EVI5: variants seen among roughly 807,000 people sequenced by gnomAD.
The protein encoded by EVI5 is ecotropic viral integration site 5 protein homolog.
Under a neutral mutation model 112.0 loss-of-function variants are expected in EVI5, and 73 were observed. That is an observed-to-expected ratio of 0.65 (90% confidence interval 0.54 to 0.79). The LOEUF (loss-of-function observed/expected upper bound fraction) is 0.79. Ranked by LOEUF, EVI5 falls within the 30% of genes least tolerant of loss-of-function variation. The pLI, the probability that EVI5 is intolerant of heterozygous loss-of-function variation, is 0.00. For synonymous variants in EVI5, 305 were observed against 319.9 expected (o/e 0.95, Z 0.50); for missense variants, 900 against 968.8 (o/e 0.93, Z 0.94).
At chr1:92,615,257 C>T (rs1188622240) in intron 16 of EVI5, among the ~76,000 whole-genome samples, 5 of 152,050 alleles carry the variant, frequency 3.3e-5, no homozygotes, top group Admixed American at 2.0e-4. Context: ...GTTGGTTGCT[C>T]CTAAGTTCAC....
intron 18 of EVI5, among the ~76,000 whole-genome samples, chr1:92,582,863 C>T (rs1338879985): frequency 6.6e-6 from 1 of 152,108 alleles, no homozygotes; most frequent in Non-Finnish European, 1.5e-5. Flanking sequence ...GAACTCATAT[C>T]CTCTACTCTT....
At chr1:92,710,110 AG>A in intron 2 of EVI5, among the ~76,000 whole-genome samples, 1 of 150,412 alleles carries the variant, frequency 6.6e-6, no homozygotes, top group Non-Finnish European at 1.5e-5. Context: ...AGGGAGGCCG[AG>A]GCAGGTGGAT....
At chr1:92,789,004 A>G (rs1427417161), upstream of EVI5, among the ~76,000 whole-genome samples, 1 of 152,126 alleles carries the variant, frequency 6.6e-6, no homozygotes, top group East Asian at 1.9e-4. Flanking sequence ...TTTAATAAAT[A>G]CCAAATAACT....
intron 18 of EVI5, among the ~76,000 whole-genome samples, chr1:92,596,236 C>T (rs1647826191): frequency 6.6e-6 from 1 of 152,114 alleles, no homozygotes; most frequent in Admixed American, 6.5e-5. Flanking sequence ...TGGCATGTGC[C>T]TGTAGTCCCA....
intron 10 of EVI5, among the ~76,000 whole-genome samples, chr1:92,673,276 C>T (rs1444044373): frequency 6.9e-6 from 1 of 143,938 alleles, no homozygotes; most frequent in Non-Finnish European, 1.5e-5. Context: ...CTGAAATGTA[C>T]CATAGTTTTT....
intron 2 of EVI5, among the ~76,000 whole-genome samples, chr1:92,727,310 T>C (rs1675727037): frequency 6.6e-6 from 1 of 152,178 alleles, no homozygotes; most frequent in Non-Finnish European, 1.5e-5. Context: ...TTTGTGAACA[T>C]ATTAAAAACC....
rs180859725 is a variant in EVI5, at chr1:92,765,764, A to G, written c.-82+19072T>C. ...TTACCAAATTACTGACTTCCCCACA[A>G]ATTCTTTTGTATTAAAACTGGGGGG... On this transcript the variant is annotated intron_variant, in intron 1 of 19. Transcript: ENST00000684568. Among the ~76,000 whole-genome samples the G allele has an allele frequency of 2.1e-3, 324 of 152,076 alleles. 5 individuals carry two copies. The highest frequency in any genetic ancestry group is 7.5e-3 in the African/African-American group (311 of 41,460).
intron 1 of EVI5, among the ~76,000 whole-genome samples, chr1:92,739,349 C>T (rs1558180020): frequency 1.4e-5 from 2 of 146,950 alleles, no homozygotes; most frequent in Non-Finnish European, 3.0e-5. Context: ...TAATCACACA[C>T]AAAAAAGGCC....
At chr1:92,731,354 T>G (rs1266348430) in intron 2 of EVI5, among the ~76,000 whole-genome samples, 20 of 152,182 alleles carry the variant, frequency 1.3e-4, no homozygotes, top group Admixed American at 1.2e-3. Context: ...TGTATTTTCT[T>G]TTTAACACAG....
At chr1:92,619,956 G>A (rs528162282) in intron 16 of EVI5, among the ~76,000 whole-genome samples, 7 of 152,186 alleles carry the variant, frequency 4.6e-5, no homozygotes, top group African/African-American at 1.7e-4. Flanking sequence ...AAAACGAACA[G>A]AGCAACCAAG....
At chr1:92,751,852 A>C (rs1387357042) in intron 1 of EVI5, among the ~76,000 whole-genome samples, 1 of 151,908 alleles carries the variant, frequency 6.6e-6, no homozygotes, top group Non-Finnish European at 1.5e-5. Context: ...TCTCTACTAA[A>C]AACACAAAAA....
chr1:92,653,453 G>T (rs1357335278), intron 13 of EVI5, among the ~76,000 whole-genome samples: 1 of 152,218 alleles, frequency 6.6e-6, no homozygotes, highest in East Asian at 1.9e-4. Flanking sequence ...CACTGTGCTT[G>T]GCTCTACAAG....
In EVI5 at chr1:92,630,375, T is replaced by C. The variant is rs374024844; in HGVS notation, c.1528-4441A>G. The stretch of plus-strand genomic sequence containing the variant: ...GATCACCATTCTAACTGGTATGAGA[T>C]GGTATCTCATTGTGGTTTTGATTTG... On this transcript the variant is annotated intron_variant, in intron 14 of 19. Coordinates refer to ENST00000684568, the MANE Select transcript of EVI5 (RefSeq NM_001350197.2). Among the ~76,000 whole-genome samples, 8 of 152,332 alleles carry C rather than the reference T, an allele frequency of 5.3e-5. No individual in the cohort carries two copies. The East Asian group carries it at 1.2e-3, about 22-fold the overall frequency.
At chr1:92,535,873 C>T (rs2027061) in intron 19 of EVI5, among the ~76,000 whole-genome samples, 129,359 of 151,848 alleles carry the variant, frequency 0.85, 55,468 homozygotes, top group East Asian at 0.97. Flanking sequence ...CAAACCTGCA[C>T]GTTCTGCACA....
intron 1 of EVI5, among the ~76,000 whole-genome samples, chr1:92,754,314 G>C (rs946937764): frequency 6.6e-6 from 1 of 152,298 alleles, no homozygotes; most frequent in Admixed American, 6.5e-5. Context: ...AAATAAGTAA[G>C]ACATATGGTT....
At chr1:92,593,253 A>G (rs1227727867) in intron 18 of EVI5, among the ~76,000 whole-genome samples, 1 of 152,240 alleles carries the variant, frequency 6.6e-6, no homozygotes, top group African/African-American at 2.4e-5. Context: ...CTGGGATGCA[A>G]GGCTGGTTCA....
At chr1:92,630,761 G>A (rs1656866834) in intron 14 of EVI5, among the ~76,000 whole-genome samples, 2 of 152,186 alleles carry the variant, frequency 1.3e-5, no homozygotes, top group South Asian at 4.1e-4. Context: ...TGTCCTAAAT[G>A]ATACTGCCTA....
chr1:92,726,500 C>T (rs1224174671), intron 2 of EVI5, among the ~76,000 whole-genome samples: 2 of 152,160 alleles, frequency 1.3e-5, no homozygotes, highest in East Asian at 3.9e-4. Context: ...AAATGATGAC[C>T]TTCTCAAACA....
chr1:92,579,950 C>G (rs1167962241), intron 18 of EVI5, among the ~76,000 whole-genome samples: 1 of 152,140 alleles, frequency 6.6e-6, no homozygotes, highest in East Asian at 1.9e-4. Context: ...TTTAACCTTT[C>G]ATTGTGAATA....
Sources: allele counts gnomAD v4.1 joint callset (sites outside exome capture counted in the v4.1 genomes callset), GRCh38; gene constraint gnomAD v4.1.1; transcripts MANE v1.5; gene names NCBI Gene and HGNC (gene_info 2026-07-23, HGNC 2026-07-21).